The following CNTN5 variants were observed in gnomAD, a reference collection of about 807,000 sequenced individuals.
CNTN5 encodes contactin-5.
CNTN5 carries 77 observed loss-of-function variants against 129.1 expected under a neutral mutation model. The ratio of observed to expected loss-of-function variants is 0.60; its 90% CI spans 0.50 to 0.72. CNTN5 has a LOEUF of 0.72. Ranked by LOEUF, CNTN5 falls within the 30% of genes least tolerant of loss-of-function variation. The pLI, the probability that CNTN5 is intolerant of heterozygous loss-of-function variation, is 0.00. For missense variants in CNTN5, 1,478 were observed against 1,328.8 expected (o/e 1.11, Z -1.75); for synonymous variants, 509 against 465.6 (o/e 1.09, Z -1.20).
At chr11:99,808,262 CAT>C (rs200361251) in intron 3 of CNTN5, among the ~76,000 whole-genome samples, 2,850 of 152,216 alleles carry the variant, frequency 0.019, 40 homozygotes, top group Non-Finnish European at 0.026. Context: ...ATGAGAGTGA[CAT>C]ATTAAATCAG....
intron 7 of CNTN5, among the ~76,000 whole-genome samples, chr11:99,941,830 A>G (rs1203020296): frequency 6.6e-6 from 1 of 152,122 alleles, no homozygotes; most frequent in African/African-American, 2.4e-5. Context: ...GAAGAAATAA[A>G]AGACAGTGTT....
chr11:99,671,301 C>G (rs565028772), intron 3 of CNTN5, among the ~76,000 whole-genome samples: 14 of 152,050 alleles, frequency 9.2e-5, no homozygotes, highest in Admixed American at 2.6e-4. Context: ...AGTACAGTGC[C>G]TGAAATGTAT....
intron 7 of CNTN5, among the ~76,000 whole-genome samples, chr11:99,949,364 C>A (rs1950622336): frequency 6.6e-6 from 1 of 152,054 alleles, no homozygotes; most frequent in Admixed American, 6.6e-5. Context: ...CCATATATAT[C>A]TTTTTTTAAG....
intron 4 of CNTN5, among the ~76,000 whole-genome samples, chr11:99,831,616 T>G (rs1947143021): frequency 6.6e-6 from 1 of 150,710 alleles, no homozygotes; most frequent in African/African-American, 2.4e-5. Context: ...GACCATAACT[T>G]TTTTTTTTGG....
At chr11:99,622,819 C>A (rs1950995781) in intron 3 of CNTN5, among the ~76,000 whole-genome samples, 1 of 139,968 alleles carries the variant, frequency 7.1e-6, no homozygotes, top group Admixed American at 8.1e-5. Context: ...TTCTGTTTCA[C>A]CTTTTTATTA....
chr11:99,778,134 G>C (rs1413032809), intron 3 of CNTN5, among the ~76,000 whole-genome samples: 1 of 151,548 alleles, frequency 6.6e-6, no homozygotes, highest in African/African-American at 2.4e-5. Context: ...TTTAAGCCTT[G>C]TTCTCTATTA....
intron 1 of CNTN5, among the ~76,000 whole-genome samples, chr11:99,293,390 C>CT (rs1045172603): frequency 2.0e-5 from 3 of 151,986 alleles, no homozygotes; most frequent in African/African-American, 7.2e-5. Flanking sequence ...CTGCAGTTTT[C>CT]TTTTTTTGTT....
rs186644154 is a variant in CNTN5, at chr11:99,080,851, G to A, written c.-210+59581G>A. 1.7e-3 allele frequency among the ~76,000 whole-genome samples: 257 copies of A among 152,222 alleles called. 1 individual carries two copies. Among genetic ancestry groups the A allele is most frequent in the Middle Eastern group, 3.4e-3 (1 of 294 alleles). On this transcript the variant is annotated intron_variant, in intron 1 of 24. Transcript: ENST00000524871. Reference sequence around the variant, plus strand: ...TGAACTAGATGGTCTAGAAAATAAGGCATTGAGCATTTTAGACAACGTGCA... The same window carrying A: ...TGAACTAGATGGTCTAGAAAATAAGACATTGAGCATTTTAGACAACGTGCA...
chr11:99,432,140 TAATATA>T, intron 2 of CNTN5, among the ~76,000 whole-genome samples: 1 of 152,214 alleles, frequency 6.6e-6, no homozygotes, highest in Non-Finnish European at 1.5e-5. Flanking sequence ...GCTTTCAGCT[TAATATA>T]TCCCTTTTGT....
intron 13 of CNTN5, among the ~76,000 whole-genome samples, chr11:100,099,565 G>C (rs1372785710): frequency 3.5e-5 from 5 of 140,864 alleles, no homozygotes; most frequent in Admixed American, 3.4e-4. Context: ...ACTACACAAG[G>C]CTACCTTGCC....
chr11:99,463,902 A>T (rs1944833683), intron 2 of CNTN5, among the ~76,000 whole-genome samples: 1 of 152,224 alleles, frequency 6.6e-6, no homozygotes, highest in Non-Finnish European at 1.5e-5. Flanking sequence ...TTTTAAACTA[A>T]AAGAAGATTA....
Position 99,823,835 on chromosome 11 carries a change from T to A in CNTN5, c.277+4070T>A, listed in dbSNP as rs555241434. Among the ~76,000 whole-genome samples the A allele has an allele frequency of 3.9e-5, 6 of 152,234 alleles. No homozygotes were observed. The South Asian group carries it at 1.2e-3, about 32-fold the overall frequency. The stretch of plus-strand genomic sequence containing the variant: ...GGAATTACTATACTTATTTTGTCAT[T>A]TACATGCATATATTTATATTTCTAT... On this transcript the variant is annotated intron_variant, in intron 4 of 24. Transcript: ENST00000524871.
chr11:99,259,093 G>T (rs1413750909), intron 1 of CNTN5, among the ~76,000 whole-genome samples: 1 of 151,718 alleles, frequency 6.6e-6, no homozygotes, highest in East Asian at 1.9e-4. Context: ...TAATATGAAT[G>T]AATAACATAC....
intron 3 of CNTN5, among the ~76,000 whole-genome samples, chr11:99,591,426 C>G (rs6590223): frequency 6.7e-6 from 1 of 148,520 alleles, no homozygotes; most frequent in African/African-American, 2.5e-5. Context: ...AAACCTCTGC[C>G]TCCTGGGTTC....
intron 1 of CNTN5, among the ~76,000 whole-genome samples, chr11:99,248,164 T>C (rs1861915124): frequency 6.6e-6 from 1 of 152,204 alleles, no homozygotes; most frequent in Admixed American, 6.5e-5. Context: ...CTAACTGGTG[T>C]GAGATGGTAT....
At chr11:99,792,644 A>G (rs997331149) in intron 3 of CNTN5, among the ~76,000 whole-genome samples, 1 of 151,060 alleles carries the variant, frequency 6.6e-6, no homozygotes, top group African/African-American at 2.4e-5. Context: ...GGAATGAGGT[A>G]GGAGGGAGTC....
intron 2 of CNTN5, among the ~76,000 whole-genome samples, chr11:99,426,928 A>G (rs979697830): frequency 6.6e-5 from 10 of 152,240 alleles, no homozygotes; most frequent in Non-Finnish European, 1.2e-4. Flanking sequence ...ACAGAAAATT[A>G]CATGGATATA....
intron 1 of CNTN5, among the ~76,000 whole-genome samples, chr11:99,165,763 C>T (rs1035974769): frequency 6.6e-6 from 1 of 152,076 alleles, no homozygotes; most frequent in African/African-American, 2.4e-5. Flanking sequence ...AATAAGAGAT[C>T]GCATCTAGAA....
intron 2 of CNTN5, among the ~76,000 whole-genome samples, chr11:99,449,432 T>A (rs113227057): frequency 0.049 from 7,429 of 152,332 alleles, 243 homozygotes; most frequent in South Asian, 0.079. Flanking sequence ...TTGTATGGTT[T>A]GAAAATTACT....
Sources: allele counts gnomAD v4.1 joint callset (sites outside exome capture counted in the v4.1 genomes callset), GRCh38; gene constraint gnomAD v4.1.1; transcripts MANE v1.5; gene names NCBI Gene and HGNC (gene_info 2026-07-23, HGNC 2026-07-21).